GADL1: variants seen among roughly 807,000 people sequenced by gnomAD.
GADL1 encodes GAD like acidic amino acid decarboxylase 1, also known as acidic amino acid decarboxylase GADL1.
Under a neutral mutation model 69.5 loss-of-function variants are expected in GADL1, and 71 were observed. The observed-to-expected ratio is 1.02, with a 90% CI of 0.84 to 1.25. The LOEUF (loss-of-function observed/expected upper bound fraction) is 1.25. Ranked by LOEUF, GADL1 falls within the 50% of genes most tolerant of loss-of-function variation. GADL1 has a pLI of 0.00. For missense variants in GADL1, 737 were observed against 631.8 expected (o/e 1.17, Z -1.79); for synonymous variants, 254 against 214.4 (o/e 1.18, Z -1.62).
At chr3:30,869,729 A>AT (rs1447169968) in intron 1 of GADL1, among the ~76,000 whole-genome samples, 2 of 151,804 alleles carry the variant, frequency 1.3e-5, no homozygotes, top group Non-Finnish European at 2.9e-5. Flanking sequence ...CAGTGAGCAG[A>AT]TACTTCTCTT....
intron 3 of GADL1, 40 bp downstream of exon 3, chr3:30,856,975 G>T: frequency 6.6e-7 from 1 of 1,513,368 alleles, no homozygotes; most frequent in Non-Finnish European, 9.0e-7. Context: ...ATAAGAACTT[G>T]TCAGAGGTAC....
chr3:30,837,441 A>C (rs1030675891), intron 9 of GADL1, among the ~76,000 whole-genome samples: 5 of 152,112 alleles, frequency 3.3e-5, no homozygotes, highest in Non-Finnish European at 7.4e-5. Context: ...AAATAGGATA[A>C]TTTGGTGTGG....
intron 1 of GADL1, among the ~76,000 whole-genome samples, chr3:30,880,928 C>A (rs1026610301): frequency 5.3e-5 from 8 of 151,858 alleles, no homozygotes; most frequent in African/African-American, 1.9e-4. Flanking sequence ...ACATAATTGG[C>A]CACCCCCTTT....
At chr3:30,846,779 C>G (rs529482479) in intron 6 of GADL1, among the ~76,000 whole-genome samples, 1 of 152,272 alleles carries the variant, frequency 6.6e-6, no homozygotes, top group South Asian at 2.1e-4. Flanking sequence ...TACGAAGCAC[C>G]TGCTTGCCCG....
At chr3:30,791,997 CCT>C (rs1696931566) in intron 12 of GADL1, among the ~76,000 whole-genome samples, 1 of 152,164 alleles carries the variant, frequency 6.6e-6, no homozygotes, top group African/African-American at 2.4e-5. Context: ...GCCCACTGAA[CCT>C]CTTTTTCTTT....
intron 14 of GADL1, among the ~76,000 whole-genome samples, chr3:30,766,666 G>GC (rs1349068114): frequency 6.6e-6 from 1 of 152,156 alleles, no homozygotes; most frequent in Non-Finnish European, 1.5e-5. Flanking sequence ...TGACTGCCAA[G>GC]CCAGTGTGTT....
intron 14 of GADL1, among the ~76,000 whole-genome samples, chr3:30,767,724 G>GATT (rs1696315681): frequency 6.6e-6 from 1 of 152,074 alleles, no homozygotes; most frequent in Non-Finnish European, 1.5e-5. Context: ...AAGATTGACA[G>GATT]ATTTGAATAC....
At chr3:30,865,871 C>G (rs1018127679) in intron 1 of GADL1, among the ~76,000 whole-genome samples, 1 of 152,016 alleles carries the variant, frequency 6.6e-6, no homozygotes, top group Non-Finnish European at 1.5e-5. Context: ...AATTTGAAAG[C>G]CAGTCAATTC....
intron 12 of GADL1, among the ~76,000 whole-genome samples, chr3:30,792,717 C>A (rs77688013): frequency 0.029 from 4,405 of 152,274 alleles, 96 homozygotes; most frequent in Admixed American, 0.049. Flanking sequence ...CACAAGACAG[C>A]TGCTACAGCT....
At chr3:30,861,461 A>G (rs1046952263) in intron 2 of GADL1, 132 bp downstream of exon 2, 19 of 650,178 alleles carry the variant, frequency 2.9e-5, no homozygotes. Context: ...TTATATCTGG[A>G]CATCCTTTTG....
chr3:30,751,403 C>T (rs1185410027), intron 14 of GADL1, among the ~76,000 whole-genome samples: 2 of 151,832 alleles, frequency 1.3e-5, no homozygotes, highest in South Asian at 4.2e-4. Flanking sequence ...TTTTTCTTTC[C>T]TTACTCCGTT....
At chr3:30,887,742 T>A (rs1698728829) in intron 1 of GADL1, among the ~76,000 whole-genome samples, 1 of 152,184 alleles carries the variant, frequency 6.6e-6, no homozygotes, top group African/African-American at 2.4e-5. Flanking sequence ...GCCCTGGTTC[T>A]TCAACAGGTA....
chr3:30,772,661 G>A (rs532481249), intron 14 of GADL1, among the ~76,000 whole-genome samples: 2 of 152,270 alleles, frequency 1.3e-5, no homozygotes, highest in South Asian at 4.1e-4. Flanking sequence ...TGAATCATGA[G>A]GTCAGGAGTT....
chr3:30,866,417 C>T (rs1698403663), intron 1 of GADL1, among the ~76,000 whole-genome samples: 2 of 152,072 alleles, frequency 1.3e-5, no homozygotes, highest in Non-Finnish European at 2.9e-5. Context: ...CAAGATCATA[C>T]CACTGCACTT....
At chr3:30,864,521 AT>A (rs1474264630) in intron 1 of GADL1, among the ~76,000 whole-genome samples, 1 of 151,990 alleles carries the variant, frequency 6.6e-6, no homozygotes, top group East Asian at 1.9e-4. Flanking sequence ...CTAGGAGAAA[AT>A]ACTGTAAAAA....
rs1698324405 is a variant in GADL1, at chr3:30,861,742, TC to T, written c.60del (p.Met20IlefsTer16). ...AGAACAGCATTCTTCTTACTTGGAATCATCTCTTGTTGATCAATATCTCCTG... is the reference window on the plus strand; with the variant it reads ...AGAACAGCATTCTTCTTACTTGGAATATCTCTTGTTGATCAATATCTCCTG... Reference protein sequence around the residue: ...PVDGDIDQQEMIPSKKNAVLV... With the variant: ...PVDGDIDQQEXIPSKKNAVLV... On this transcript the variant is annotated frameshift_variant, in exon 2 of 15. Coordinates refer to ENST00000282538, the MANE Select transcript of GADL1 (RefSeq NM_207359.3). LOFTEE classifies it high-confidence loss of function. 6.5e-7 allele frequency: 1 copy of T among 1,546,604 alleles called. No individual in the cohort carries two copies. Among genetic ancestry groups the T allele is most frequent in the Admixed American group, 2.0e-5 (1 of 50,174 alleles).
In GADL1 at chr3:30,857,072, G is replaced by A. The variant is rs1698239924; in HGVS notation, c.280C>T (p.Pro94Ser). The change falls in exon 3 of 15, where the codon CCA becomes TCA. Residue 94 changes from proline (P) to serine (S), a missense_variant. Physicochemically the swap from Pro to Ser is moderately conservative, Grantham distance 74. Transcript: ENST00000282538. ...CAGAGTTCCAATAGTTTATGGGGTG[G>A]CTCGCCTGAGTCTCTCATCTCCAAA... Reference protein sequence around the residue: ...LDLEMRDSGEPPHKLLELCRD... With the variant: ...LDLEMRDSGESPHKLLELCRD... 16 of 1,549,286 alleles carry A rather than the reference G, an allele frequency of 1.0e-5. No homozygotes were observed. The highest frequency in any genetic ancestry group is 1.4e-5 in the Non-Finnish European group (16 of 1,145,114).
intron 14 of GADL1, among the ~76,000 whole-genome samples, chr3:30,776,053 C>A (rs761329669): frequency 6.6e-6 from 1 of 151,994 alleles, no homozygotes; most frequent in South Asian, 2.1e-4. Context: ...GCCATTGCAC[C>A]CCAGCCTGGG....
chr3:30,774,800 ACT>A (rs1317271152), intron 14 of GADL1, among the ~76,000 whole-genome samples: 6 of 151,946 alleles, frequency 3.9e-5, no homozygotes, highest in African/African-American at 1.4e-4. Flanking sequence ...GTGGTCATTG[ACT>A]CTGACCGGGT....
Sources: allele counts gnomAD v4.1 joint callset (sites outside exome capture counted in the v4.1 genomes callset), GRCh38; gene constraint gnomAD v4.1.1; transcripts MANE v1.5; gene names NCBI Gene and HGNC (gene_info 2026-07-23, HGNC 2026-07-21).